Variants in ZGRF1 observed in about 807,000 individuals in gnomAD.
ZGRF1 encodes zinc finger GRF-type containing 1.
In ZGRF1, 196 loss-of-function variants were observed where a neutral mutation model predicts 203.5. That is an observed-to-expected ratio of 0.96 (90% confidence interval 0.86 to 1.08). The LOEUF is 1.08. Ranked by LOEUF, ZGRF1 falls within the 50% of genes least tolerant of loss-of-function variation. The probability of loss-of-function intolerance (pLI) is 0.00; values close to 1 mark genes in which losing one functional copy is unlikely to be tolerated. For synonymous variants in ZGRF1, 809 were observed against 841.3 expected (o/e 0.96, Z 0.66); for missense variants, 2,326 against 2,416.3 (o/e 0.96, Z 0.78).
In ZGRF1 at chr4:112,617,822, T is replaced by C. The variant is rs763276432; in HGVS notation, c.2220A>G (p.Leu740=). The change falls in exon 6 of 28, where the codon CTA becomes CTG. Residue 740 remains leucine (L), a synonymous_variant. Transcript: ENST00000505019. ...STSSSDNSVQ[L]LNTNQNHYEC... ...CATAGTGATTCTGATTGGTATTTAA[T>C]AGTTGGACACTGTTGTCACTACTAG... The C allele has an allele frequency of 3.1e-6, 5 of 1,614,072 alleles. No homozygotes were observed. The highest frequency in any genetic ancestry group is 4.2e-6 in the Non-Finnish European group (5 of 1,179,938).
chr4:112,571,166 A>G (rs1744145386), intron 16 of ZGRF1, among the ~76,000 whole-genome samples: 1 of 152,170 alleles, frequency 6.6e-6, no homozygotes, highest in Non-Finnish European at 1.5e-5. Flanking sequence ...ATATTAGAGA[A>G]GAGAAAAGCC....
rs2047141570 is a variant in ZGRF1 at position 112,623,836 on chromosome 4, A to G, written c.143T>C (p.Leu48Pro). Residue 48 changes from leucine (L) to proline (P), a missense_variant, in exon 4 of 28, where the codon CTG becomes CCG. Transcript: ENST00000505019. ...YDDKGACLES[L>P]FLKCLEVKPG... is the part of the protein sequence containing the mutation. Reference sequence around the variant, plus strand: ...AAATACCTCAAGGCATTTAAGAAACAGACTCTCCAAACATGCTCCTTTGTC... The same window carrying G: ...AAATACCTCAAGGCATTTAAGAAACGGACTCTCCAAACATGCTCCTTTGTC... 1 of 1,583,564 alleles carries G rather than the reference A, an allele frequency of 6.3e-7. No homozygotes were observed. Among genetic ancestry groups the G allele is most frequent in the African/African-American group, 1.3e-5 (1 of 74,192 alleles).
intron 9 of ZGRF1, among the ~76,000 whole-genome samples, chr4:112,604,727 G>A (rs1296075476): frequency 6.6e-6 from 1 of 152,170 alleles, no homozygotes; most frequent in African/African-American, 2.4e-5. Context: ...ATGTAGACAT[G>A]TTCCTTAGAC....
intron 16 of ZGRF1, among the ~76,000 whole-genome samples, chr4:112,573,165 G>GAC (rs1553987580): frequency 1.3e-4 from 10 of 75,246 alleles, no homozygotes; most frequent in Admixed American, 5.4e-4. Context: ...AAGAAATTGT[G>GAC]ATACACACAC....
chr4:112,600,802 G>A (rs191059261), intron 10 of ZGRF1, among the ~76,000 whole-genome samples: 4 of 152,264 alleles, frequency 2.6e-5, no homozygotes, highest in Non-Finnish European at 5.9e-5. Context: ...AACTGTCACA[G>A]CTGTAGATCA....
chr4:112,583,260 A>G (rs1488666460), intron 15 of ZGRF1, among the ~76,000 whole-genome samples: 3 of 152,206 alleles, frequency 2.0e-5, no homozygotes, highest in Non-Finnish European at 4.4e-5. Context: ...CTAAACTTTT[A>G]TAAGACATAC....
intron 24 of ZGRF1, among the ~76,000 whole-genome samples, chr4:112,542,883 G>A (rs781723155): frequency 6.6e-6 from 1 of 150,928 alleles, no homozygotes; most frequent in African/African-American, 2.4e-5. Context: ...GAATGCAGTG[G>A]TGAGATCATA....
At chr4:112,588,890 A>C (rs1747683526) in intron 11 of ZGRF1, among the ~76,000 whole-genome samples, 1 of 152,226 alleles carries the variant, frequency 6.6e-6, no homozygotes, top group Middle Eastern at 3.2e-3. Flanking sequence ...AAAGTCCATT[A>C]AAGTAAAAGA....
rs1294162281 is a variant in ZGRF1, at chr4:112,585,693, G to C, written c.3949C>G (p.Gln1317Glu). The change falls in exon 14 of 28, where the codon CAA becomes GAA. Residue 1317 changes from glutamine (Q) to glutamate (E), a missense_variant. Physicochemically the swap from Gln to Glu is conservative, Grantham distance 29 (BLOSUM62 2). Transcript: ENST00000505019. ...TTTGAAAGAGCTTTCTGCAGGTTTT[G>C]TGCTAACCCAAACAGCAATATATTT... ...HLNILLFGLAQNLQKALSKVD... is the reference protein window; with the variant it reads ...HLNILLFGLAENLQKALSKVD... 6.3e-7 allele frequency: 1 copy of C among 1,593,182 alleles called. No individual in the cohort carries two copies. Among genetic ancestry groups the C allele is most frequent in the Middle Eastern group, 1.8e-4 (1 of 5,714 alleles).
At chr4:112,558,487 C>A (rs1560756920) in intron 19 of ZGRF1, among the ~76,000 whole-genome samples, 178 bp from the exon 20 acceptor site, 1 of 152,206 alleles carries the variant, frequency 6.6e-6, no homozygotes, top group Admixed American at 6.5e-5. Flanking sequence ...CCTGTCTCAG[C>A]CTCCCAAGTA....
chr4:112,617,871 T>C lies in ZGRF1; in HGVS notation c.2171A>G (p.Asp724Gly), dbSNP rs745343046. ...FILGSDLDKN[D>G]EHVLPSTSSS... Reference sequence around the variant, plus strand: ...AGAAGTTGAGGGTAAAACATGTTCATCATTTTTGTCTAAGTCACTTCCCAA... The same window carrying C: ...AGAAGTTGAGGGTAAAACATGTTCACCATTTTTGTCTAAGTCACTTCCCAA... Residue 724 changes from aspartate to glycine, a missense_variant, in exon 6 of 28, where the codon GAT becomes GGT. Coordinates refer to ENST00000505019, the MANE Select transcript of ZGRF1 (RefSeq NM_018392.5). 1.2e-6 allele frequency: 2 copies of C among 1,613,936 alleles called. No homozygotes were observed. Among genetic ancestry groups the C allele is most frequent in the South Asian group, 1.1e-5 (1 of 91,074 alleles).
Position 112,617,849 on chromosome 4 carries a change from A to G in ZGRF1, c.2193T>C (p.Thr731=), listed in dbSNP as rs575072698. The G allele has an allele frequency of 3.1e-6, 5 of 1,614,100 alleles. No individual in the cohort carries two copies. The South Asian group carries it at 5.5e-5, about 18-fold the overall frequency. The change falls in exon 6 of 28, where the codon ACT becomes ACC. Residue 731 remains threonine, a synonymous_variant. Transcript: ENST00000505019. ...DKNDEHVLPS[T]SSSDNSVQLL... ...GTTGGACACTGTTGTCACTACTAGA[A>G]GTTGAGGGTAAAACATGTTCATCAT...
At chr4:112,634,110 TAA>T (rs964254151) in intron 1 of ZGRF1, among the ~76,000 whole-genome samples, 22 of 152,224 alleles carry the variant, frequency 1.4e-4, no homozygotes, top group African/African-American at 4.3e-4. Flanking sequence ...ATATTATTTA[TAA>T]GTTACATATA....
rs1327005281 is a variant in ZGRF1 at position 112,580,240 on chromosome 4, C to G, written c.4438+1423G>C. Among the ~76,000 whole-genome samples, 11 of 127,214 alleles carry G rather than the reference C, an allele frequency of 8.6e-5. 1 individual carries two copies. Among genetic ancestry groups the G allele is most frequent in the Non-Finnish European group, 1.9e-4 (11 of 56,696 alleles). The allele number at this position is 127,214 out of a possible 152,430, so 83.5% of individuals were successfully genotyped here. On this transcript the variant is annotated intron_variant, in intron 16 of 27. Coordinates refer to ENST00000505019, the MANE Select transcript of ZGRF1 (RefSeq NM_018392.5). ...GCTAGCCATATGTAGAAAGCTGAAACTGGATCCCTTCCTTACACCTTATAC... is the reference window on the plus strand; with the variant it reads ...GCTAGCCATATGTAGAAAGCTGAAAGTGGATCCCTTCCTTACACCTTATAC...
chr4:112,636,372 C>T (rs1263077483), intron 1 of ZGRF1, among the ~76,000 whole-genome samples: 1 of 152,080 alleles, frequency 6.6e-6, no homozygotes, highest in African/African-American at 2.4e-5. Context: ...AGCCATTATT[C>T]ATTTAAATAC....
At chr4:112,547,888 G>A (rs900335487) in intron 23 of ZGRF1, among the ~76,000 whole-genome samples, 1 of 152,080 alleles carries the variant, frequency 6.6e-6, no homozygotes, top group South Asian at 2.1e-4. Context: ...TTATATTTTA[G>A]AGACCCAGCA....
In ZGRF1 at chr4:112,548,348, G is replaced by C; in HGVS notation, c.5379C>G (p.Cys1793Trp). 6.4e-7 allele frequency: 1 copy of C among 1,554,910 alleles called. No homozygotes were observed. Among genetic ancestry groups the C allele is most frequent in the Non-Finnish European group, 8.7e-7 (1 of 1,148,414 alleles). ...TAAGATCATTCATGCATGGGAATGG[G>C]CAGGCTGCACAGGTAACTCCAACTA... ...VRVVGVTCAA[C>W]PFPCMNDLKF... The change falls in exon 23 of 28, where the codon TGC becomes TGG. Residue 1793 changes from cysteine (C) to tryptophan (W), a missense_variant. Physicochemically the swap from Cys to Trp is radical, Grantham distance 215. Transcript: ENST00000505019.
chr4:112,608,313 T>C (rs1751068964), intron 8 of ZGRF1, among the ~76,000 whole-genome samples: 1 of 152,152 alleles, frequency 6.6e-6, no homozygotes, highest in Admixed American at 6.5e-5. Flanking sequence ...CTGTGATACC[T>C]GTCCTTAAAA....
chr4:112,601,912 A>C (rs1362661085), intron 10 of ZGRF1, among the ~76,000 whole-genome samples: 1 of 152,022 alleles, frequency 6.6e-6, no homozygotes, highest in Non-Finnish European at 1.5e-5. Context: ...TCAATTAAAA[A>C]ATGAGGAAGA....
Sources: gnomAD v4.1 joint callset for allele counts (sites outside exome capture counted in the v4.1 genomes callset) on GRCh38, gnomAD v4.1.1 for gene constraint, MANE v1.5 for transcripts, NCBI Gene and HGNC (gene_info 2026-07-23, HGNC 2026-07-21) for gene names.